Variants in FMN1 observed in about 807,000 individuals in gnomAD.
FMN1 encodes the protein formin 1.
Under a neutral mutation model 132.4 loss-of-function variants are expected in FMN1, and 110 were observed. The observed-to-expected ratio is 0.83, with a 90% CI of 0.71 to 0.97. The LOEUF is 0.97. Among genes scored for constraint, FMN1 ranks in the 50% least tolerant of loss-of-function variants. The pLI, the probability that FMN1 is intolerant of heterozygous loss-of-function variation, is 0.00. For synonymous variants in FMN1, 722 were observed against 651.7 expected, an observed-to-expected ratio of 1.11 and a Z score of -1.64; for missense variants, 1,792 against 1,705.3, an observed-to-expected ratio of 1.05 and a Z score of -0.90.
chr15:33,088,769 C>G, intron 5 of FMN1, 30 bp downstream of exon 5: 1 of 1,521,140 alleles, frequency 6.6e-7, no homozygotes, highest in African/African-American at 1.4e-5. Flanking sequence ...CACAAAGAAC[C>G]ACAGCACAAT....
intron 7 of FMN1, among the ~76,000 whole-genome samples, chr15:32,981,290 G>C (rs2032637118): frequency 6.6e-6 from 1 of 151,880 alleles, no homozygotes; most frequent in Admixed American, 6.5e-5. Flanking sequence ...AGGAGATTGA[G>C]ACCATCCTGG....
At chr15:32,897,133 C>G (rs1394351957) in intron 15 of FMN1, among the ~76,000 whole-genome samples, 1 of 152,148 alleles carries the variant, frequency 6.6e-6, no homozygotes. Flanking sequence ...TCCTAAAAGG[C>G]ATGATGGGCT....
At chr15:33,020,587 G>C (rs1475965895) in intron 6 of FMN1, among the ~76,000 whole-genome samples, 2 of 150,188 alleles carry the variant, frequency 1.3e-5, no homozygotes, top group African/African-American at 4.9e-5. Flanking sequence ...GTGGAGAGTT[G>C]AGGTCACGCC....
At position 33,181,707 on chromosome 15, in the gene FMN1, C is replaced by CTT. The variant is rs753993602; in HGVS notation, c.-196-1447_-196-1446dup. 2.6e-3 allele frequency among the ~76,000 whole-genome samples: 323 copies of CTT among 126,184 alleles called. 1 individual carries two copies. Among genetic ancestry groups the CTT allele is most frequent in the African/African-American group, 3.6e-3 (124 of 34,610 alleles). 82.8% of individuals were successfully genotyped at this position (126,184 alleles called of 152,430 possible). A position where few individuals can be genotyped will look rare whatever the true frequency, so the allele number is the denominator to read the frequency against. On this transcript the variant is annotated intron_variant, in intron 2 of 20. Transcript: ENST00000616417. ...TATTCTTTTCTTTTCTTTTTTCTTT[C>CTT]TTTTTTTTTTTTTTTTTTGAGATGG... is the stretch of plus-strand genomic sequence containing the variant.
At chr15:32,803,206 G>A (rs1595952345) in intron 18 of FMN1, among the ~76,000 whole-genome samples, 1 of 152,274 alleles carries the variant, frequency 6.6e-6, no homozygotes, top group East Asian at 1.9e-4. Flanking sequence ...CATTTGTAAA[G>A]CTCATTTGTC....
intron 9 of FMN1, among the ~76,000 whole-genome samples, chr15:32,948,075 T>G: frequency 6.6e-6 from 1 of 152,050 alleles, no homozygotes; most frequent in East Asian, 1.9e-4. Context: ...CATGCCTGCT[T>G]CGTGGACACT....
At chr15:32,884,439 C>A (rs929886813) in intron 16 of FMN1, among the ~76,000 whole-genome samples, 3 of 152,138 alleles carry the variant, frequency 2.0e-5, no homozygotes, top group Non-Finnish European at 4.4e-5. Context: ...AAGTCCTCAG[C>A]GTTTAAAGAC....
intron 17 of FMN1, among the ~76,000 whole-genome samples, chr15:32,849,797 C>A (rs2058965185): frequency 6.6e-6 from 1 of 152,122 alleles, no homozygotes; most frequent in African/African-American, 2.4e-5. Flanking sequence ...GCTGGGATTA[C>A]AGGCGCACAC....
At chr15:32,903,889 T>C (rs770329861) in intron 12 of FMN1, among the ~76,000 whole-genome samples, 4 of 151,698 alleles carry the variant, frequency 2.6e-5, no homozygotes, top group South Asian at 2.1e-4. Context: ...AATGTTCCAA[T>C]GTCCTCTTTA....
intron 17 of FMN1, among the ~76,000 whole-genome samples, chr15:32,830,630 G>T (rs141914217): frequency 6.6e-6 from 1 of 152,076 alleles, no homozygotes; most frequent in East Asian, 1.9e-4. Context: ...CTTCCCTCTC[G>T]TATCAGCTAA....
rs771437764 is a variant in FMN1, at chr15:32,901,985, T to C, written c.3433A>G (p.Ile1145Val). 1.9e-6 allele frequency: 3 copies of C among 1,613,276 alleles called. No individual in the cohort carries two copies. Among genetic ancestry groups the C allele is most frequent in the Non-Finnish European group, 1.7e-6 (2 of 1,179,440 alleles). The change falls in exon 13 of 21, where the codon ATC becomes GTC. Residue 1145 changes from isoleucine to valine, a missense_variant. Physicochemically the swap from Ile to Val is conservative, Grantham distance 29. Transcript: ENST00000616417. ...PNFAERAQCI[I>V]FRSVFSEGIT... Reference sequence around the variant, plus strand: ...CCCTCAGAAAAGACAGATCTGAAGATTATGCACTGGGCACGTTCAGCAAAA... The same window carrying C: ...CCCTCAGAAAAGACAGATCTGAAGACTATGCACTGGGCACGTTCAGCAAAA...
At chr15:32,804,161 T>C (rs1050389294) in intron 18 of FMN1, 120 bp downstream of exon 18, 25 of 714,864 alleles carry the variant, frequency 3.5e-5, no homozygotes, top group Admixed American at 1.1e-4. Context: ...AAAGTTTCAG[T>C]TGGGGAAGTA....
intron 3 of FMN1, among the ~76,000 whole-genome samples, chr15:33,159,413 A>C (rs1964803178): frequency 6.6e-6 from 1 of 152,186 alleles, no homozygotes; most frequent in African/African-American, 2.4e-5. Flanking sequence ...AATCAAACAA[A>C]TATGTCCACA....
At chr15:33,144,837 A>G (rs1013122265) in intron 4 of FMN1, among the ~76,000 whole-genome samples, 1 of 152,180 alleles carries the variant, frequency 6.6e-6, no homozygotes, top group Non-Finnish European at 1.5e-5. Context: ...ATCATTGGAA[A>G]ATACCAAAAG....
intron 6 of FMN1, among the ~76,000 whole-genome samples, chr15:33,011,427 G>C (rs2034713325): frequency 6.6e-6 from 1 of 151,832 alleles, no homozygotes; most frequent in Non-Finnish European, 1.5e-5. Flanking sequence ...TCAATTAAGT[G>C]CTAAACTGTA....
chr15:33,158,521 G>T lies in FMN1; in HGVS notation c.-131-3476C>A, dbSNP rs1407896319. ...ACAGAATGCTCTTACCACACTTGTG[G>T]TGCACATGTCCGGAACCAAAGAGGA... On this transcript the variant is annotated intron_variant, in intron 3 of 20. Transcript: ENST00000616417. Among the ~76,000 whole-genome samples the T allele has an allele frequency of 2.0e-5, 3 of 152,106 alleles. No homozygotes were observed. The East Asian group carries it at 5.8e-4, about 29-fold the overall frequency.
At chr15:32,989,145 A>AAGC (rs1431314753) in intron 7 of FMN1, among the ~76,000 whole-genome samples, 3 of 151,964 alleles carry the variant, frequency 2.0e-5, no homozygotes, top group African/African-American at 7.3e-5. Context: ...ACTATAGGGG[A>AAGC]AGAAAGGAAG....
intron 5 of FMN1, among the ~76,000 whole-genome samples, chr15:33,082,372 G>C (rs544554245): frequency 1.3e-5 from 2 of 152,174 alleles, no homozygotes; most frequent in South Asian, 4.2e-4. Context: ...CTTATTTCCA[G>C]AGAGTACTGC....
intron 4 of FMN1, among the ~76,000 whole-genome samples, chr15:33,094,555 T>A (rs990459618): frequency 1.3e-5 from 2 of 152,210 alleles, no homozygotes; most frequent in Non-Finnish European, 2.9e-5. Context: ...TCCAAGTAAG[T>A]GGCTGATCAT....
Sources: allele counts gnomAD v4.1 joint callset (sites outside exome capture counted in the v4.1 genomes callset), GRCh38; gene constraint gnomAD v4.1.1; transcripts MANE v1.5; gene names NCBI Gene and HGNC (gene_info 2026-07-23, HGNC 2026-07-21).